RAP1GAP2: variants seen among roughly 807,000 people sequenced by gnomAD.
RAP1GAP2 encodes the protein RAP1 GTPase activating protein 2.
RAP1GAP2 carries 27 observed loss-of-function variants against 95.0 expected under a neutral mutation model. The ratio of observed to expected loss-of-function variants is 0.28; its 90% CI spans 0.21 to 0.39. The LOEUF (loss-of-function observed/expected upper bound fraction) is 0.39. Among genes scored for constraint, RAP1GAP2 ranks in the 10% least tolerant of loss-of-function variants. The pLI, the probability that RAP1GAP2 is intolerant of heterozygous loss-of-function variation, is 1.00. For missense variants in RAP1GAP2, 771 were observed against 970.0 expected (o/e 0.79, Z 2.72); for synonymous variants, 373 against 380.9 (o/e 0.98, Z 0.24).
Position 2,965,758 on chromosome 17 carries a change from A to G in RAP1GAP2, c.596+115A>G. The G allele has an allele frequency of 3.8e-6, 3 of 794,372 alleles. No homozygotes were observed. Among genetic ancestry groups the G allele is most frequent in the Non-Finnish European group, 6.1e-6 (3 of 490,582 alleles). 49.2% of individuals were successfully genotyped at this position (794,372 alleles called of 1,614,324 possible). On this transcript the variant is annotated intron_variant, in intron 8 of 24. Coordinates refer to ENST00000254695, the MANE Select transcript of RAP1GAP2 (RefSeq NM_015085.5). This position sits in a 1 kb window ranked among gnomAD's most constrained non-coding sequence, Gnocchi z 4.7. ...AGACTGACCAGTCTGGTCTGGGTGCACTGGCTGACGGGGACAGGCCTGCTG... is the reference window on the plus strand; with the variant it reads ...AGACTGACCAGTCTGGTCTGGGTGCGCTGGCTGACGGGGACAGGCCTGCTG...
intron 2 of RAP1GAP2, among the ~76,000 whole-genome samples, chr17:2,824,009 G>C (rs561516915): frequency 2.6e-3 from 389 of 151,574 alleles, no homozygotes; most frequent in African/African-American, 8.9e-3. Flanking sequence ...TGTAGTCCCA[G>C]CTACTCGGGA....
At chr17:2,898,967 C>G (rs887024329) in intron 2 of RAP1GAP2, among the ~76,000 whole-genome samples, 1 of 140,030 alleles carries the variant, frequency 7.1e-6, no homozygotes, top group Non-Finnish European at 1.5e-5. Context: ...GATTGCATCC[C>G]GTTCCCCTCT....
chr17:2,953,789 G>A (rs1567817320), intron 3 of RAP1GAP2, among the ~76,000 whole-genome samples: 1 of 152,180 alleles, frequency 6.6e-6, no homozygotes, highest in Admixed American at 6.5e-5. Flanking sequence ...GGAAGTTGCA[G>A]TGAGCTGACA....
chr17:2,987,962 A>C (rs1424997827), intron 11 of RAP1GAP2, among the ~76,000 whole-genome samples: 1 of 152,180 alleles, frequency 6.6e-6, no homozygotes, highest in Non-Finnish European at 1.5e-5. Flanking sequence ...CTGTTTGTAC[A>C]TCCTGCTACT....
At chr17:2,937,147 A>C (rs75707121) in intron 3 of RAP1GAP2, among the ~76,000 whole-genome samples, 5,303 of 152,226 alleles carry the variant, frequency 0.035, 187 homozygotes, top group African/African-American at 0.087. Flanking sequence ...CTCCAAGTTA[A>C]GACCTAAAGG....
chr17:2,907,999 G>A (rs960619402), intron 3 of RAP1GAP2, among the ~76,000 whole-genome samples: 6 of 152,016 alleles, frequency 3.9e-5, no homozygotes, highest in Admixed American at 1.3e-4. Flanking sequence ...TAGAGACGGG[G>A]ATTCACCATG....
chr17:2,798,170 A>G (rs2069148321), intron 1 of RAP1GAP2, among the ~76,000 whole-genome samples: 1 of 152,148 alleles, frequency 6.6e-6, no homozygotes, highest in African/African-American at 2.4e-5. Flanking sequence ...GGCTTCCTTA[A>G]TGAAATGCAC....
chr17:2,854,789 A>G (rs2072061833), intron 2 of RAP1GAP2, among the ~76,000 whole-genome samples: 1 of 152,202 alleles, frequency 6.6e-6, no homozygotes, highest in Non-Finnish European at 1.5e-5. Context: ...TGCAGGTCTG[A>G]CATCCACCAG....
At chr17:2,934,603 A>T (rs1233337457) in intron 3 of RAP1GAP2, among the ~76,000 whole-genome samples, 2 of 152,226 alleles carry the variant, frequency 1.3e-5, no homozygotes, top group Non-Finnish European at 2.9e-5. Flanking sequence ...ATAATTACTG[A>T]GTACAAATAA....
chr17:2,812,810 T>G (rs958984943), intron 2 of RAP1GAP2, among the ~76,000 whole-genome samples: 4 of 151,776 alleles, frequency 2.6e-5, no homozygotes, highest in Admixed American at 6.6e-5. Flanking sequence ...ACCAATATAA[T>G]GAAACCCTGT....
At chr17:2,814,248 T>G (rs1001020849) in intron 2 of RAP1GAP2, among the ~76,000 whole-genome samples, 1 of 152,178 alleles carries the variant, frequency 6.6e-6, no homozygotes, top group African/African-American at 2.4e-5. Context: ...AACCTCTCTG[T>G]GCCTCTGTCA....
At chr17:2,774,985 TA>T (rs2068466565), upstream of RAP1GAP2, among the ~76,000 whole-genome samples, 1 of 116,458 alleles carries the variant, frequency 8.6e-6, no homozygotes, top group Non-Finnish European at 1.8e-5. Context: ...TATGCCCTGC[TA>T]AATTTTTTTT....
intron 2 of RAP1GAP2, among the ~76,000 whole-genome samples, chr17:2,861,660 G>A (rs1346185816): frequency 5.8e-5 from 8 of 138,516 alleles, no homozygotes; most frequent in African/African-American, 1.9e-4. Flanking sequence ...TGGGGGGGGG[G>A]ACGGAGTCTC....
intron 2 of RAP1GAP2, among the ~76,000 whole-genome samples, chr17:2,770,724 A>T (rs2068373785): frequency 6.6e-6 from 1 of 152,218 alleles, no homozygotes; most frequent in Non-Finnish European, 1.5e-5. Context: ...TCTCCAGTGA[A>T]ATATGACTGC....
chr17:2,834,691 G>A (rs1205727333), intron 2 of RAP1GAP2, among the ~76,000 whole-genome samples: 1 of 152,036 alleles, frequency 6.6e-6, no homozygotes, highest in African/African-American at 2.4e-5. Context: ...CAGCTACTCA[G>A]GAGGCTGAAG....
intron 1 of RAP1GAP2, among the ~76,000 whole-genome samples, chr17:2,777,777 G>GA (rs1200772100): frequency 1.3e-5 from 2 of 152,216 alleles, no homozygotes; most frequent in Non-Finnish European, 2.9e-5. Flanking sequence ...CCTCCATGGG[G>GA]AATGAGAGAG....
intron 2 of RAP1GAP2, among the ~76,000 whole-genome samples, chr17:2,807,249 C>T (rs1597346262): frequency 6.6e-6 from 1 of 152,200 alleles, no homozygotes; most frequent in Non-Finnish European, 1.5e-5. Flanking sequence ...GCCACACCTA[C>T]CAATTCATTC....
In RAP1GAP2 at chr17:2,994,928, T is replaced by C. The variant is rs1331722551; in HGVS notation, c.915-409T>C. Among the ~76,000 whole-genome samples the C allele has an allele frequency of 2.6e-5, 4 of 151,900 alleles. No individual in the cohort carries two copies. In the East Asian group the frequency reaches 7.7e-4, roughly 29 times the overall value. ...TCCTGGGTTCAAGCGATTCTCCTGC[T>C]TCAGCCTCCTGAGTAGCTGGGATTA... On this transcript the variant is annotated intron_variant, in intron 12 of 24. Coordinates refer to ENST00000254695, the MANE Select transcript of RAP1GAP2 (RefSeq NM_015085.5).
intron 2 of RAP1GAP2, among the ~76,000 whole-genome samples, chr17:2,817,070 C>T (rs1407545143): frequency 8.3e-5 from 9 of 108,802 alleles, no homozygotes; most frequent in African/African-American, 2.8e-4. Context: ...TCACTGCAGC[C>T]TCCACTTCCC....
Sources: gnomAD v4.1 joint callset for allele counts (sites outside exome capture counted in the v4.1 genomes callset) on GRCh38, gnomAD v4.1.1 for gene constraint, Gnocchi (gnomAD v3.1) non-coding constraint, MANE v1.5 for transcripts, NCBI Gene and HGNC (gene_info 2026-07-23, HGNC 2026-07-21) for gene names.